The following ERBB4 variants were observed in gnomAD, a reference collection of about 807,000 sequenced individuals.
ERBB4 encodes receptor tyrosine-protein kinase erbB-4.
In ERBB4, 42 loss-of-function variants were observed where a neutral mutation model predicts 158.0. The observed-to-expected ratio is 0.27, with a 90% confidence interval of 0.21 to 0.34. The LOEUF is 0.34. ERBB4 is among the 10% of genes least tolerant of loss of function. The pLI is 1.00. For missense variants in ERBB4, 1,333 were observed against 1,624.1 expected (o/e 0.82, Z 3.08); for synonymous variants, 583 against 558.7 (o/e 1.04, Z -0.61).
intron 3 of ERBB4, among the ~76,000 whole-genome samples, chr2:211,884,975 T>A (rs1241839718): frequency 2.6e-5 from 4 of 152,168 alleles, no homozygotes; most frequent in African/African-American, 9.6e-5. Flanking sequence ...AAACCTGAAA[T>A]AAGGAAAATT....
chr2:211,900,109 C>T (rs1225250906), intron 3 of ERBB4, among the ~76,000 whole-genome samples: 3 of 152,106 alleles, frequency 2.0e-5, no homozygotes, highest in Non-Finnish European at 4.4e-5. Context: ...CCTCAACTTT[C>T]CATCACAGGC....
intron 2 of ERBB4, among the ~76,000 whole-genome samples, chr2:212,097,316 G>C (rs2078960614): frequency 6.6e-6 from 1 of 152,108 alleles, no homozygotes. Context: ...GAGGTAACAT[G>C]ATACTGGAAA....
chr2:211,817,158 A>T (rs2076896246), intron 3 of ERBB4, among the ~76,000 whole-genome samples: 1 of 152,192 alleles, frequency 6.6e-6, no homozygotes, highest in African/African-American at 2.4e-5. Flanking sequence ...TTTAAGGCTG[A>T]TTATTTCTCT....
chr2:212,359,563 G>A (rs1162556488), intron 1 of ERBB4, among the ~76,000 whole-genome samples: 1 of 151,684 alleles, frequency 6.6e-6, no homozygotes, highest in Non-Finnish European at 1.5e-5. Flanking sequence ...ATCCCCATCA[G>A]TCTCAGAGAC....
chr2:211,623,512 A>T (rs1423466105), intron 18 of ERBB4, among the ~76,000 whole-genome samples: 2 of 152,180 alleles, frequency 1.3e-5, no homozygotes, highest in East Asian at 3.9e-4. Flanking sequence ...TGGATAAAAA[A>T]GCAGAAGAGA....
intron 4 of ERBB4, chr2:211,779,475 T>G (rs537805828): frequency 1.3e-5 from 2 of 152,336 alleles, no homozygotes; most frequent in African/African-American, 4.8e-5. Context: ...CACTTCACCA[T>G]TATATTCATA....
chr2:212,320,539 T>G (rs2087520290), intron 1 of ERBB4, among the ~76,000 whole-genome samples: 1 of 148,342 alleles, frequency 6.7e-6, no homozygotes. Flanking sequence ...CACAAGATTC[T>G]GGCTATTATA....
chr2:212,181,241 C>A (rs2081852288), intron 1 of ERBB4, among the ~76,000 whole-genome samples: 1 of 151,560 alleles, frequency 6.6e-6, no homozygotes, highest in South Asian at 2.1e-4. Flanking sequence ...TTATATTAAT[C>A]TTTTCTATTT....
chr2:212,172,073 GAA>G (rs1368229336), intron 1 of ERBB4, among the ~76,000 whole-genome samples: 1 of 151,770 alleles, frequency 6.6e-6, no homozygotes, highest in Admixed American at 6.6e-5. Context: ...CAAATTACAA[GAA>G]AAACACAACC....
chr2:212,537,150 C>CGGCGGCGGCGGCGGG (rs576146218), intron 1 of ERBB4, among the ~76,000 whole-genome samples: 21,014 of 151,150 alleles, frequency 0.14, 1,554 homozygotes, highest in Non-Finnish European at 0.16. Flanking sequence ...GCGGCGGCGG[C>CGGCGGCGGCGGCGGG]GGCGGAGCGG....
chr2:211,739,171 C>T (rs750679770), intron 5 of ERBB4, among the ~76,000 whole-genome samples: 5 of 151,964 alleles, frequency 3.3e-5, no homozygotes, highest in African/African-American at 1.2e-4. Context: ...CCATCTTATG[C>T]CTTTTGTTTT....
At position 211,679,030 on chromosome 2, in the gene ERBB4, G is replaced by C. The variant is rs762084647; in HGVS notation, c.1622+22C>G. The stretch of plus-strand genomic sequence containing the variant: ...GTCCTTCAAAGCTCATGAGGTGAAG[G>C]CAACCCTAGAAGAAGCCTTACCCAT... On this transcript the variant is annotated intron_variant, in intron 13 of 27. Coordinates refer to ENST00000342788, the MANE Select transcript of ERBB4 (RefSeq NM_005235.3). The C allele has an allele frequency of 6.9e-6, 11 of 1,583,106 alleles. No homozygotes were observed. In the South Asian group the frequency reaches 1.0e-4, roughly 14 times the overall value.
intron 14 of ERBB4, among the ~76,000 whole-genome samples, chr2:211,671,421 T>C (rs897912584): frequency 6.6e-6 from 1 of 151,466 alleles, no homozygotes; most frequent in Non-Finnish European, 1.5e-5. Context: ...GAGAAAGAAA[T>C]AGGAAATTAC....
intron 1 of ERBB4, among the ~76,000 whole-genome samples, chr2:212,342,084 T>G (rs2088747990): frequency 6.6e-6 from 1 of 152,088 alleles, no homozygotes; most frequent in Non-Finnish European, 1.5e-5. Flanking sequence ...CATAGGGAGA[T>G]CTCATCTCTA....
At chr2:212,513,160 G>T (rs1187669667) in intron 1 of ERBB4, among the ~76,000 whole-genome samples, 3 of 152,000 alleles carry the variant, frequency 2.0e-5, no homozygotes, top group Admixed American at 6.6e-5. Context: ...ATCTATTTTT[G>T]CATCTGTCTT....
chr2:211,652,437 T>C (rs569087724), intron 16 of ERBB4, among the ~76,000 whole-genome samples: 1 of 152,300 alleles, frequency 6.6e-6, no homozygotes, highest in South Asian at 2.1e-4. Flanking sequence ...CTATGGATGA[T>C]TTTGACTGTT....
intron 1 of ERBB4, among the ~76,000 whole-genome samples, chr2:212,307,573 G>A (rs1435648255): frequency 1.3e-5 from 2 of 150,766 alleles, no homozygotes; most frequent in African/African-American, 4.9e-5. Context: ...ATGTAATACA[G>A]ACAAGGTTTT....
At chr2:211,392,803 G>T (rs529062182) in intron 25 of ERBB4, among the ~76,000 whole-genome samples, 2 of 152,060 alleles carry the variant, frequency 1.3e-5, no homozygotes, top group African/African-American at 2.4e-5. Context: ...GAGTAGCTGG[G>T]ATTGCAGGTG....
At chr2:211,562,148 C>G in intron 19 of ERBB4, 60 bp from the exon 20 acceptor site, 6 of 1,447,912 alleles carry the variant, frequency 4.1e-6, no homozygotes, top group Non-Finnish European at 4.8e-6. Context: ...TTTAGAGTTA[C>G]TTGGATTGTA....
Sources: gnomAD v4.1 joint callset for allele counts (sites outside exome capture counted in the v4.1 genomes callset) on GRCh38, gnomAD v4.1.1 for gene constraint, MANE v1.5 for transcripts, NCBI Gene and HGNC (gene_info 2026-07-23, HGNC 2026-07-21) for gene names.